The following TXLNB variants were observed in gnomAD, a reference collection of about 807,000 sequenced individuals.
TXLNB encodes beta-taxilin.
In TXLNB, 37 loss-of-function variants were observed where a neutral mutation model predicts 57.4. The observed-to-expected ratio is 0.64, with a 90% CI of 0.50 to 0.85. The LOEUF (loss-of-function observed/expected upper bound fraction) is 0.85, where lower values mean the gene tolerates loss of function less well. TXLNB is among the 40% of genes least tolerant of loss of function. The pLI is 0.00. For synonymous variants in TXLNB, 302 were observed against 309.6 expected, an observed-to-expected ratio of 0.98 and a Z score of 0.26; for missense variants, 848 against 825.6, an observed-to-expected ratio of 1.03 and a Z score of -0.33.
chr6:139,198,623 T>A, the TXLNB span, among the ~76,000 whole-genome samples: 3 of 152,218 alleles, frequency 2.0e-5, no homozygotes, highest in African/African-American at 7.2e-5. Context: ...TGGCTTCCAA[T>A]TGGTTTTGGC....
chr6:139,215,704 A>T, the TXLNB span, among the ~76,000 whole-genome samples: 1 of 152,238 alleles, frequency 6.6e-6, no homozygotes, highest in African/African-American at 2.4e-5. Context: ...ACAGAATGGG[A>T]GAAAATTTTT....
chr6:139,235,005 A>C, the TXLNB span, among the ~76,000 whole-genome samples: 2 of 152,202 alleles, frequency 1.3e-5, no homozygotes, highest in Non-Finnish European at 2.9e-5. Context: ...GTCAAAGGAG[A>C]TCATTATGGA....
At chr6:139,307,477 C>T in the TXLNB span, among the ~76,000 whole-genome samples, 3 of 152,252 alleles carry the variant, frequency 2.0e-5, no homozygotes, top group Non-Finnish European at 2.9e-5. Context: ...GCATGAGCCA[C>T]TGTGCATGGC....
the TXLNB span, among the ~76,000 whole-genome samples, chr6:139,225,249 T>C: frequency 6.6e-6 from 1 of 152,184 alleles, no homozygotes; most frequent in Non-Finnish European, 1.5e-5. Flanking sequence ...ATATGTAAGC[T>C]TTCCCTTGAG....
At chr6:139,284,512 G>C (rs766976026) in intron 2 of TXLNB, among the ~76,000 whole-genome samples, 1 of 145,382 alleles carries the variant, frequency 6.9e-6, no homozygotes, top group Non-Finnish European at 1.5e-5. Flanking sequence ...TGGCAACAGA[G>C]TGAGACTCTG....
the TXLNB span, chr6:139,180,193 C>T: frequency 6.6e-6 from 1 of 152,268 alleles, no homozygotes; most frequent in East Asian, 1.9e-4. Flanking sequence ...AGTTCATTTT[C>T]TGAGTAAAAG....
intron 4 of TXLNB, among the ~76,000 whole-genome samples, chr6:139,265,159 C>A (rs1776584053): frequency 6.6e-6 from 1 of 152,124 alleles, no homozygotes; most frequent in Admixed American, 6.6e-5. Context: ...AATTTATGTA[C>A]AGACATATGA....
the TXLNB span, among the ~76,000 whole-genome samples, chr6:139,227,589 T>C: frequency 6.6e-6 from 1 of 152,170 alleles, no homozygotes. Flanking sequence ...ACATAGGAAA[T>C]ATCACAGCAA....
At chr6:139,255,925 A>C (rs903516984) in intron 6 of TXLNB, among the ~76,000 whole-genome samples, 4 of 149,690 alleles carry the variant, frequency 2.7e-5, no homozygotes, top group African/African-American at 7.3e-5. Context: ...AAAAAAAAAA[A>C]ACCAAAATTA....
At chr6:139,160,348 A>G in the TXLNB span, among the ~76,000 whole-genome samples, 1 of 152,238 alleles carries the variant, frequency 6.6e-6, no homozygotes, top group Non-Finnish European at 1.5e-5. Context: ...AGTTGGTGGC[A>G]CAAGTGTATG....
intron 8 of TXLNB, among the ~76,000 whole-genome samples, chr6:139,245,277 G>A (rs555322414): frequency 1.0e-3 from 157 of 152,322 alleles, no homozygotes; most frequent in African/African-American, 3.3e-3. Flanking sequence ...ACCGAAGTTC[G>A]GAGAGGTAGA....
At chr6:139,214,687 T>C in the TXLNB span, among the ~76,000 whole-genome samples, 1 of 152,190 alleles carries the variant, frequency 6.6e-6, no homozygotes, top group Non-Finnish European at 1.5e-5. Flanking sequence ...GGAAGTCAAA[T>C]TGTCCCTCTT....
At position 139,243,197 on chromosome 6, in the gene TXLNB, C is replaced by G. The variant is rs768999859; in HGVS notation, c.1384G>C (p.Glu462Gln). The change falls in exon 10 of 10, where the codon GAA becomes CAA. Residue 462 changes from glutamate (E) to glutamine (Q), a missense_variant. Coordinates refer to ENST00000358430, the MANE Select transcript of TXLNB (RefSeq NM_153235.4). The stretch of plus-strand genomic sequence containing the variant: ...CTTTGGTCATCCTTTTCAGATATTT[C>G]TGCGTCTCTGATTTTTTTGTGGAGT... Reference protein sequence around the residue: ...NELHKKIRDAEISEKDDQSQH... With the variant: ...NELHKKIRDAQISEKDDQSQH... The G allele has an allele frequency of 2.5e-6, 4 of 1,614,158 alleles. No individual in the cohort carries two copies. In the South Asian group the frequency reaches 3.3e-5, roughly 13 times the overall value.
At chr6:139,229,009 TG>T in the TXLNB span, among the ~76,000 whole-genome samples, 1 of 152,190 alleles carries the variant, frequency 6.6e-6, no homozygotes, top group South Asian at 2.1e-4. Flanking sequence ...CTGTGCTTGA[TG>T]GCCCCATCCA....
the TXLNB span, among the ~76,000 whole-genome samples, chr6:139,225,387 C>G: frequency 6.6e-6 from 1 of 151,964 alleles, no homozygotes; most frequent in African/African-American, 2.4e-5. Flanking sequence ...AAAAAAATGC[C>G]ATTATTTCTA....
At chr6:139,310,432 C>T in the TXLNB span, among the ~76,000 whole-genome samples, 20 of 152,284 alleles carry the variant, frequency 1.3e-4, no homozygotes, top group African/African-American at 4.3e-4. Flanking sequence ...TAAAGTGATA[C>T]CTTCCAAAAC....
At chr6:139,233,286 T>C in the TXLNB span, among the ~76,000 whole-genome samples, 3 of 150,380 alleles carry the variant, frequency 2.0e-5, no homozygotes, top group South Asian at 6.2e-4. Flanking sequence ...GTAAGTTTTC[T>C]CTATTTTCTG....
the TXLNB span, among the ~76,000 whole-genome samples, chr6:139,311,680 C>A: frequency 6.6e-6 from 1 of 152,156 alleles, no homozygotes; most frequent in South Asian, 2.1e-4. Flanking sequence ...CAGAAGAAAT[C>A]TTTACCTCTT....
At chr6:139,160,329 G>C in the TXLNB span, among the ~76,000 whole-genome samples, 47 of 152,162 alleles carry the variant, frequency 3.1e-4, no homozygotes, top group Non-Finnish European at 1.2e-4. Context: ...AGATTAATGC[G>C]CCAAGGGAAG....
Sources: gnomAD v4.1 joint callset for allele counts (sites outside exome capture counted in the v4.1 genomes callset) on GRCh38, gnomAD v4.1.1 for gene constraint, MANE v1.5 for transcripts, NCBI Gene and HGNC (gene_info 2026-07-23, HGNC 2026-07-21) for gene names.